MAPK13: variants seen among roughly 807,000 people sequenced by gnomAD.
The protein encoded by MAPK13 is mitogen-activated protein kinase 13.
MAPK13 carries 39 observed loss-of-function variants against 53.5 expected under a neutral mutation model. The observed-to-expected ratio is 0.73, with a 90% CI of 0.56 to 0.95. The LOEUF (loss-of-function observed/expected upper bound fraction) is 0.95. Among genes scored for constraint, MAPK13 ranks in the 40% least tolerant of loss-of-function variants. MAPK13 has a pLI of 0.00. For synonymous variants in MAPK13, 179 were observed against 190.9 expected (o/e 0.94, Z 0.51); for missense variants, 460 against 471.8 (o/e 0.98, Z 0.23).
At chr6:36,132,019 T>TG (rs1438291702) in intron 2 of MAPK13, among the ~76,000 whole-genome samples, 12 of 152,226 alleles carry the variant, frequency 7.9e-5, no homozygotes, top group African/African-American at 2.9e-4. Flanking sequence ...GCTCAGGGCC[T>TG]GGCAGCCAGG....
chr6:36,135,686 C>T, intron 3 of MAPK13, 67 bp from the exon 4 acceptor site: 1 of 1,153,542 alleles, frequency 8.7e-7, no homozygotes, highest in Non-Finnish European at 1.3e-6. Context: ...TGAGGTCCCT[C>T]CTCTGAGCTC....
In MAPK13 at chr6:36,130,734, C is replaced by CGGGGGGA. The variant is rs748025462; in HGVS notation, c.119+36_119+37insGGGAGGG. 3.1e-6 allele frequency: 2 copies of CGGGGGGA among 646,498 alleles called. No homozygotes were observed. Among genetic ancestry groups the CGGGGGGA allele is most frequent in the Admixed American group, 3.4e-5 (1 of 29,814 alleles). The allele number at this position is 646,498 out of a possible 1,614,324, so 40.0% of individuals were successfully genotyped here. On this transcript the variant is annotated intron_variant, in intron 1 of 11. Transcript: ENST00000211287. The surrounding 1 kb of genome is among the most constrained non-coding windows in gnomAD (Gnocchi z 4.5). ...CCCTGGGCCGCTGGGGGGCGGGGGG[C>CGGGGGGA]GGGCGCCAGGCTCTCCCCTTTCCGC...
chr6:36,136,594 A>G, intron 6 of MAPK13, 62 bp from the exon 7 acceptor site: 1 of 1,602,278 alleles, frequency 6.2e-7, no homozygotes, highest in Non-Finnish European at 8.5e-7. Context: ...AGCCCCTGGA[A>G]GCCGCTCCCA....
At chr6:36,135,252 A>G (rs1766393781) in intron 3 of MAPK13, among the ~76,000 whole-genome samples, 1 of 152,238 alleles carries the variant, frequency 6.6e-6, no homozygotes, top group Non-Finnish European at 1.5e-5. Context: ...AAGAGGCTGC[A>G]GGAGCCTCCC....
chr6:36,144,486 A>G lies in MAPK13; in HGVS notation c.*5113A>G, dbSNP rs1766593798. On this transcript the variant is annotated 3_prime_UTR_variant, in exon 12 of 12. Coordinates refer to ENST00000211287, the MANE Select transcript of MAPK13 (RefSeq NM_002754.5). The stretch of plus-strand genomic sequence containing the variant: ...TACCTTTGTTCATAACCAAGGAAAT[A>G]GAAATGACTGAAAATAAAGTTGTAT... The G allele has an allele frequency of 6.6e-6, 1 of 152,274 alleles. No homozygotes were observed. The highest frequency in any genetic ancestry group is 2.4e-5 in the African/African-American group (1 of 41,478). 9.4% of individuals were successfully genotyped at this position (152,274 alleles called of 1,614,324 possible). A position where few individuals can be genotyped will look rare whatever the true frequency, so the allele number is the denominator to read the frequency against.
intron 6 of MAPK13, 41 bp downstream of exon 6, chr6:36,136,572 C>A (rs752237561): frequency 5.6e-6 from 9 of 1,595,498 alleles, no homozygotes; most frequent in Non-Finnish European, 7.7e-6. Flanking sequence ...GGGATAGGCC[C>A]TCCCCCAGGG....
intron 9 of MAPK13, 50 bp downstream of exon 9, chr6:36,138,494 CGT>C: frequency 6.4e-7 from 1 of 1,571,712 alleles, no homozygotes; most frequent in African/African-American, 1.4e-5. Context: ...GCTTGCCTGA[CGT>C]GGGCCCAGTG....
chr6:36,135,188 G>A (rs187862491), intron 3 of MAPK13, among the ~76,000 whole-genome samples: 48 of 152,110 alleles, frequency 3.2e-4, no homozygotes, highest in African/African-American at 1.1e-3. Flanking sequence ...CCTGGTCTTT[G>A]CTTTTACTGT....
At chr6:36,137,818 C>T (rs957190560) in intron 8 of MAPK13, among the ~76,000 whole-genome samples, 3 of 149,510 alleles carry the variant, frequency 2.0e-5, no homozygotes, top group African/African-American at 4.9e-5. Flanking sequence ...AAAAATTAGC[C>T]GGGTGTGGTT....
rs999049972 is a variant in MAPK13, at chr6:36,130,995, G to A, written c.120-276G>A. ...ACAGACGAGTACACCGAGGCCCCAA[G>A]AGGGGGAGGTGGCTCGCCAAGTTGC... On this transcript the variant is annotated intron_variant, in intron 1 of 11. Coordinates refer to ENST00000211287, the MANE Select transcript of MAPK13 (RefSeq NM_002754.5). This position sits in a 1 kb window ranked among gnomAD's most constrained non-coding sequence, Gnocchi z 4.5. The A allele has an allele frequency of 1.5e-5, 8 of 528,376 alleles. No individual in the cohort carries two copies. Among genetic ancestry groups the A allele is most frequent in the Non-Finnish European group, 2.7e-5 (8 of 297,036 alleles). 32.7% of individuals were successfully genotyped at this position (528,376 alleles called of 1,614,324 possible). A position where few individuals can be genotyped will look rare whatever the true frequency, so the allele number is the denominator to read the frequency against.
In MAPK13 at chr6:36,136,053, G is replaced by A. The variant is rs775440139; in HGVS notation, c.447+5G>A. On this transcript the variant is annotated splice_donor_5th_base_variant and intron_variant, in intron 5 of 11. Transcript: ENST00000211287. ...TCTGCTGGGGTCGTGCACAGGGTGA[G>A]TGCTTTCTCTGCCATGGTCCTCAGA... 1.2e-6 allele frequency: 2 copies of A among 1,614,096 alleles called. No individual in the cohort carries two copies. Among genetic ancestry groups the A allele is most frequent in the Non-Finnish European group, 1.7e-6 (2 of 1,180,012 alleles).
At chr6:36,132,260 CCCT>C (rs1310867701) in intron 2 of MAPK13, among the ~76,000 whole-genome samples, 1 of 152,184 alleles carries the variant, frequency 6.6e-6, no homozygotes, top group African/African-American at 2.4e-5. Flanking sequence ...CTTCTCTGTT[CCCT>C]CCTTTTTCCC....
At chr6:36,134,940 G>A (rs112814914) in intron 3 of MAPK13, among the ~76,000 whole-genome samples, 189 of 152,322 alleles carry the variant, frequency 1.2e-3, no homozygotes, top group African/African-American at 4.4e-3. Context: ...GCTTGAACCT[G>A]GGAGGTGGAG....
At chr6:36,132,287 T>C (rs116243239) in intron 2 of MAPK13, among the ~76,000 whole-genome samples, 5 of 152,256 alleles carry the variant, frequency 3.3e-5, no homozygotes, top group African/African-American at 1.2e-4. Context: ...CACCCTCCCC[T>C]TATGCTTTCC....
chr6:36,138,829 G>A, intron 10 of MAPK13, 49 bp downstream of exon 10: 2 of 1,613,348 alleles, frequency 1.2e-6, no homozygotes, highest in Non-Finnish European at 1.7e-6. Context: ...TATCCCAGAG[G>A]GCGGGCTCTC....
chr6:36,132,251 T>C (rs1766336407), intron 2 of MAPK13, among the ~76,000 whole-genome samples: 1 of 152,202 alleles, frequency 6.6e-6, no homozygotes, highest in Admixed American at 6.5e-5. Context: ...GAAAAGCTCC[T>C]TCTCTGTTCC....
At position 36,143,020 on chromosome 6, in the gene MAPK13, T is replaced by A. The variant is rs1297677385; in HGVS notation, c.*3647T>A. On this transcript the variant is annotated 3_prime_UTR_variant, in exon 12 of 12. Transcript: ENST00000211287. ...TGGCGGGGCGAGGGAGGGGGAGATG[T>A]GGGCTCAGGTATTCTTGGTGGATGC... The A allele has an allele frequency of 6.6e-6, 1 of 151,616 alleles. No individual in the cohort carries two copies. Among genetic ancestry groups the A allele is most frequent in the Non-Finnish European group, 1.5e-5 (1 of 67,974 alleles). 9.4% of individuals were successfully genotyped at this position (151,616 alleles called of 1,614,324 possible). A position where few individuals can be genotyped will look rare whatever the true frequency, so the allele number is the denominator to read the frequency against.
intron 3 of MAPK13, among the ~76,000 whole-genome samples, chr6:36,134,164 A>G (rs1766370527): frequency 6.6e-6 from 1 of 152,164 alleles, no homozygotes. Flanking sequence ...TTCAGGAAGC[A>G]TGTTGCCAAG....
chr6:36,132,108 T>C (rs554770672), intron 2 of MAPK13, among the ~76,000 whole-genome samples: 74 of 152,366 alleles, frequency 4.9e-4, no homozygotes, highest in African/African-American at 1.6e-3. Flanking sequence ...TTTAAGCCCA[T>C]CCTTCTCCAG....
Sources: gnomAD v4.1 joint callset for allele counts (sites outside exome capture counted in the v4.1 genomes callset) on GRCh38, gnomAD v4.1.1 for gene constraint, Gnocchi (gnomAD v3.1) non-coding constraint, MANE v1.5 for transcripts, NCBI Gene and HGNC (gene_info 2026-07-23, HGNC 2026-07-21) for gene names.